CACNA1E: variants seen among roughly 807,000 people sequenced by gnomAD.
CACNA1E encodes calcium voltage-gated channel subunit alpha1 E.
A neutral mutation model predicts 259.2 loss-of-function variants in CACNA1E; 40 were observed. The ratio of observed to expected loss-of-function variants is 0.15; its 90% CI spans 0.12 to 0.20. CACNA1E has a LOEUF of 0.20. CACNA1E is among the 10% of genes least tolerant of loss of function. CACNA1E has a pLI of 1.00. For synonymous variants in CACNA1E, 1,104 were observed against 1,138.5 expected, an observed-to-expected ratio of 0.97 and a Z score of 0.61; for missense variants, 1,874 against 3,040.1, an observed-to-expected ratio of 0.62 and a Z score of 9.02.
At chr1:181,558,007 T>C (rs6673812) in intron 3 of CACNA1E, among the ~76,000 whole-genome samples, 4,920 of 152,302 alleles carry the variant, frequency 0.032, 258 homozygotes, top group African/African-American at 0.11. Context: ...CAGATACAAT[T>C]GTCCAGAATA....
chr1:181,395,571 C>T (rs1335136049), intron 1 of CACNA1E, among the ~76,000 whole-genome samples: 2 of 152,188 alleles, frequency 1.3e-5, no homozygotes, highest in Non-Finnish European at 2.9e-5. Flanking sequence ...GGACTCAAGA[C>T]TTTAAAAACC....
chr1:181,615,348 C>T (rs1655113197), intron 6 of CACNA1E, among the ~76,000 whole-genome samples: 1 of 152,114 alleles, frequency 6.6e-6, no homozygotes, highest in Non-Finnish European at 1.5e-5. Flanking sequence ...TGCCACCACG[C>T]CTGGCTAATT....
intron 7 of CACNA1E, among the ~76,000 whole-genome samples, chr1:181,688,182 G>A (rs922970408): frequency 3.3e-5 from 5 of 151,982 alleles, no homozygotes; most frequent in South Asian, 2.1e-4. Context: ...TGCAACTCTC[G>A]CCCTCCCACT....
chr1:181,764,185 A>G (rs926866048), intron 34 of CACNA1E, among the ~76,000 whole-genome samples: 1 of 152,206 alleles, frequency 6.6e-6, no homozygotes, highest in African/African-American at 2.4e-5. Flanking sequence ...TAAAAAATTG[A>G]CAGCTGAGAC....
intron 2 of CACNA1E, among the ~76,000 whole-genome samples, chr1:181,467,199 G>A (rs1226899045): frequency 6.6e-6 from 1 of 152,204 alleles, no homozygotes; most frequent in African/African-American, 2.4e-5. Context: ...GCAAGGAGAT[G>A]GTTCTCAAAT....
chr1:181,435,497 G>T (rs184415161), intron 2 of CACNA1E, among the ~76,000 whole-genome samples: 1 of 152,234 alleles, frequency 6.6e-6, no homozygotes, highest in Non-Finnish European at 1.5e-5. Flanking sequence ...TTTGCATTCT[G>T]TTCTCTATGT....
At chr1:181,350,228 ATTC>A (rs923998400) in intron 1 of CACNA1E, among the ~76,000 whole-genome samples, 2 of 152,198 alleles carry the variant, frequency 1.3e-5, no homozygotes, top group African/African-American at 4.8e-5. Context: ...CGCAAGTGAT[ATTC>A]TTCTTCTCTT....
intron 7 of CACNA1E, among the ~76,000 whole-genome samples, chr1:181,699,154 A>T (rs918537621): frequency 6.6e-6 from 1 of 152,200 alleles, no homozygotes; most frequent in Non-Finnish European, 1.5e-5. Context: ...AGAAGAAAGA[A>T]TATGTACTTC....
intron 3 of CACNA1E, among the ~76,000 whole-genome samples, chr1:181,563,967 A>G (rs1285965176): frequency 2.0e-5 from 3 of 152,204 alleles, no homozygotes; most frequent in Admixed American, 1.3e-4. Context: ...AAAACAATGT[A>G]CATCTCTTAA....
intron 16 of CACNA1E, 70 bp from the exon 17 acceptor site, chr1:181,724,400 C>T (rs1654691885): frequency 8.3e-7 from 1 of 1,208,954 alleles, no homozygotes; most frequent in African/African-American, 1.5e-5. Context: ...GAAAGATTAT[C>T]AGGTGGCCTC....
intron 17 of CACNA1E, 58 bp from the exon 18 acceptor site, chr1:181,726,006 AG>A: frequency 8.5e-7 from 1 of 1,178,844 alleles, no homozygotes; most frequent in Non-Finnish European, 1.2e-6. Context: ...AGAGCAGCCA[AG>A]GGAAGCTACT....
At chr1:181,753,351 C>G (rs1023841853) in intron 27 of CACNA1E, among the ~76,000 whole-genome samples, 1 of 152,192 alleles carries the variant, frequency 6.6e-6, no homozygotes, top group African/African-American at 2.4e-5. Context: ...GCCTCCTAAA[C>G]GGGCTTCCCA....
At chr1:181,730,808 A>G (rs1286274853) in intron 18 of CACNA1E, among the ~76,000 whole-genome samples, 3 of 152,196 alleles carry the variant, frequency 2.0e-5, no homozygotes, top group Non-Finnish European at 2.9e-5. Context: ...GGGGAAGAAA[A>G]CTACTCAGCA....
At chr1:181,587,170 AT>A (rs1652154201) in intron 6 of CACNA1E, among the ~76,000 whole-genome samples, 2 of 152,170 alleles carry the variant, frequency 1.3e-5, no homozygotes, top group African/African-American at 4.8e-5. Flanking sequence ...TATTGCTTCT[AT>A]TTTCTCAATG....
chr1:181,334,003 T>C (rs1444166364), intron 1 of CACNA1E, among the ~76,000 whole-genome samples: 1 of 152,218 alleles, frequency 6.6e-6, no homozygotes, highest in Non-Finnish European at 1.5e-5. Flanking sequence ...AGAGAAACTT[T>C]CCTTGCACTA....
At chr1:181,712,608 G>A (rs750916242) in intron 8 of CACNA1E, among the ~76,000 whole-genome samples, 1 of 152,200 alleles carries the variant, frequency 6.6e-6, no homozygotes, top group Non-Finnish European at 1.5e-5. Flanking sequence ...TGAGCAATGT[G>A]TGTTGACTAT....
upstream of CACNA1E, among the ~76,000 whole-genome samples, chr1:181,482,507 G>A (rs947499352): frequency 3.3e-5 from 5 of 152,252 alleles, no homozygotes; most frequent in African/African-American, 7.2e-5. Flanking sequence ...AATCAAGAAG[G>A]CAAGCCAGCC....
intron 25 of CACNA1E, 98 bp downstream of exon 25, chr1:181,739,351 A>G (rs1320587311): frequency 7.3e-6 from 6 of 817,016 alleles, no homozygotes; most frequent in Non-Finnish European, 1.3e-5. Flanking sequence ...ATGCAGGGTG[A>G]TGCCAAAGAA....
rs1310318749 is a variant in CACNA1E, at chr1:181,537,105, T to C, written c.512+25595T>C. 8.9e-5 allele frequency among the ~76,000 whole-genome samples: 11 copies of C among 123,096 alleles called. No homozygotes were observed. The East Asian group carries it at 1.3e-3, about 14-fold the overall frequency. The allele number at this position is 123,096 out of a possible 152,430, so 80.8% of individuals were successfully genotyped here. A position where few individuals can be genotyped will look rare whatever the true frequency, so the allele number is the denominator to read the frequency against. ...GTTTCTTTTTCTTTTCTTTTTTTTT[T>C]TTTTTTTTTTTGAGATGGAGTTTTG... On this transcript the variant is annotated intron_variant, in intron 3 of 47. Transcript: ENST00000367573.
Sources: allele counts gnomAD v4.1 joint callset (sites outside exome capture counted in the v4.1 genomes callset), GRCh38; gene constraint gnomAD v4.1.1; transcripts MANE v1.5; gene names NCBI Gene and HGNC (gene_info 2026-07-23, HGNC 2026-07-21).